C5orf63: variants seen among roughly 807,000 people sequenced by gnomAD.
The protein encoded by C5orf63 is chromosome 5 open reading frame 63, also known as glutaredoxin-like protein C5orf63.
Under a neutral mutation model 13.3 loss-of-function variants are expected in C5orf63, and 18 were observed. The observed-to-expected ratio is 1.36, with a 90% confidence interval of 0.94 to 2.01. C5orf63 has a LOEUF of 2.01. Ranked by LOEUF, C5orf63 falls within the 30% of genes most tolerant of loss-of-function variation. C5orf63 has a pLI of 0.00. For missense variants in C5orf63, 118 were observed against 127.7 expected (o/e 0.92, Z 0.36); for synonymous variants, 38 against 44.7 (o/e 0.85, Z 0.60).
At chr5:127,071,521 T>C (rs1754541612) in intron 2 of C5orf63, 63 bp downstream of exon 2, 1 of 152,230 alleles carries the variant, frequency 6.6e-6, no homozygotes, top group Non-Finnish European at 1.5e-5. Flanking sequence ...TAGAATTTGT[T>C]ATGCAATACT....
Position 127,051,336 on chromosome 5 carries a change from A to G in C5orf63, c.*435T>C. The G allele has an allele frequency of 8.1e-7, 1 of 1,231,248 alleles. No homozygotes were observed. 76.3% of individuals were successfully genotyped at this position (1,231,248 alleles called of 1,614,324 possible). A position where few individuals can be genotyped will look rare whatever the true frequency, so the allele number is the denominator to read the frequency against. ...TAAAACATCGCTTTATTGACCGTGC[A>G]CAGTTATTAACAATTCACATTTCAC... On this transcript the variant is annotated 3_prime_UTR_variant, in exon 5 of 5. Transcript: ENST00000296662.
chr5:127,053,155 C>T (rs1381683267), intron 3 of C5orf63, among the ~76,000 whole-genome samples: 1 of 152,136 alleles, frequency 6.6e-6, no homozygotes, highest in South Asian at 2.1e-4. Context: ...ATAGTAATTG[C>T]CTCATCTTTA....
intron 3 of C5orf63, among the ~76,000 whole-genome samples, chr5:127,053,716 A>C (rs1301393944): frequency 6.6e-6 from 1 of 152,196 alleles, no homozygotes; most frequent in African/African-American, 2.4e-5. Context: ...AGTTTGCTCC[A>C]AATGATGGTT....
At chr5:127,055,203 T>C (rs1753831445) in intron 3 of C5orf63, among the ~76,000 whole-genome samples, 1 of 152,170 alleles carries the variant, frequency 6.6e-6, no homozygotes, top group Non-Finnish European at 1.5e-5. Context: ...ATAGATTCAG[T>C]GCCATCCCCA....
chr5:127,071,542 T>C (rs756755972), intron 2 of C5orf63, 42 bp downstream of exon 2: 10 of 152,220 alleles, frequency 6.6e-5, no homozygotes, highest in East Asian at 1.9e-4. Flanking sequence ...AGGGGAAGGA[T>C]AGAGGAAGCT....
In C5orf63 at chr5:127,052,054, G is replaced by A. The variant is rs954853255; in HGVS notation, c.172-107C>T. 2.1e-5 allele frequency: 20 copies of A among 961,628 alleles called. No homozygotes were observed. The African/African-American group carries it at 3.2e-4, about 15-fold the overall frequency. 59.6% of individuals were successfully genotyped at this position (961,628 alleles called of 1,614,324 possible). On this transcript the variant is annotated intron_variant, in intron 4 of 4. Transcript: ENST00000296662. ...CATTTCTAATGCCATTTTCCTTATA[G>A]TTGTTTGTTTGTTTTAGGTCCACAG...
chr5:127,066,202 C>A (rs1161706559), intron 2 of C5orf63, among the ~76,000 whole-genome samples: 3 of 151,992 alleles, frequency 2.0e-5, no homozygotes, highest in Admixed American at 1.3e-4. Context: ...CGAGATTAAC[C>A]CACAGTAAGC....
chr5:127,054,422 G>A (rs906432250), intron 3 of C5orf63, among the ~76,000 whole-genome samples: 8 of 152,134 alleles, frequency 5.3e-5, no homozygotes, highest in East Asian at 1.9e-4. Flanking sequence ...TTTAATGATC[G>A]CCATTCTAAC....
chr5:127,047,952 G>A (rs1753558884), downstream of C5orf63: 4 of 648,176 alleles, frequency 6.2e-6, no homozygotes, highest in Middle Eastern at 2.5e-4. Flanking sequence ...GGGTGAGAAT[G>A]TTCTTATTTC....
intron 2 of C5orf63, among the ~76,000 whole-genome samples, chr5:127,061,373 A>G (rs996066213): frequency 1.3e-5 from 2 of 152,192 alleles, no homozygotes; most frequent in African/African-American, 2.4e-5. Flanking sequence ...CACAGAACAA[A>G]AAGACTGGAT....
intron 3 of C5orf63, among the ~76,000 whole-genome samples, chr5:127,057,594 G>A (rs752694118): frequency 3.3e-5 from 5 of 152,174 alleles, no homozygotes; most frequent in Admixed American, 2.0e-4. Context: ...TTGCCTAATT[G>A]CTAAAACTTC....
intron 3 of C5orf63, among the ~76,000 whole-genome samples, chr5:127,054,337 T>C (rs1301521347): frequency 6.6e-6 from 1 of 152,198 alleles, no homozygotes; most frequent in Non-Finnish European, 1.5e-5. Flanking sequence ...GTTGAACTAG[T>C]TTGCAGTCCC....
intron 3 of C5orf63, chr5:127,056,543 C>G (rs1753893002): frequency 6.6e-6 from 1 of 152,198 alleles, no homozygotes; most frequent in South Asian, 2.1e-4. Flanking sequence ...GAGACCCATT[C>G]ACTATCACAA....
downstream of C5orf63, among the ~76,000 whole-genome samples, chr5:127,050,063 T>C (rs1034275299): frequency 5.9e-5 from 9 of 152,198 alleles, no homozygotes; most frequent in African/African-American, 2.2e-4. Context: ...TACTTTCCTC[T>C]TTATAACTAA....
chr5:127,048,246 GACACAC>G (rs71822352), downstream of C5orf63, among the ~76,000 whole-genome samples: 2,242 of 134,536 alleles, frequency 0.017, 23 homozygotes, highest in African/African-American at 0.035. Flanking sequence ...GGTCCATGAG[GACACAC>G]ACACACACAC....
downstream of C5orf63, among the ~76,000 whole-genome samples, chr5:127,050,538 A>T (rs1753638483): frequency 6.6e-6 from 1 of 152,114 alleles, no homozygotes; most frequent in African/African-American, 2.4e-5. Flanking sequence ...GCTGTATGTG[A>T]GATAACAGGA....
At chr5:127,051,084 A>G (rs1753657163), downstream of C5orf63, among the ~76,000 whole-genome samples, 1 of 152,218 alleles carries the variant, frequency 6.6e-6, no homozygotes, top group Non-Finnish European at 1.5e-5. Flanking sequence ...TGGTAACTGA[A>G]TAACTATGAA....
intron 3 of C5orf63, 63 bp from the exon 4 acceptor site, chr5:127,052,732 C>A: frequency 7.8e-7 from 1 of 1,281,548 alleles, no homozygotes. Context: ...CTTACAAAAA[C>A]AAAACAAAAC....
In C5orf63 at chr5:127,051,712, T is replaced by C; in HGVS notation, c.*59A>G. On this transcript the variant is annotated 3_prime_UTR_variant, in exon 5 of 5. Coordinates refer to ENST00000296662, the MANE Select transcript of C5orf63 (RefSeq NM_001164478.2). ...TGACAAAATGAGTATCAGGCCATGG[T>C]CATTTCCTTAGGAAGATGCTTTATG... The C allele has an allele frequency of 7.0e-7, 1 of 1,438,126 alleles. No individual in the cohort carries two copies. The allele number at this position is 1,438,126 out of a possible 1,614,324, so 89.1% of individuals were successfully genotyped here.
Sources: gnomAD v4.1 joint callset for allele counts (sites outside exome capture counted in the v4.1 genomes callset) on GRCh38, gnomAD v4.1.1 for gene constraint, MANE v1.5 for transcripts, NCBI Gene and HGNC (gene_info 2026-07-23, HGNC 2026-07-21) for gene names.